The following ZNF532 variants were observed in gnomAD, a reference collection of about 807,000 sequenced individuals.
ZNF532 encodes zinc finger protein 532.
A neutral mutation model predicts 89.3 loss-of-function variants in ZNF532; 22 were observed. The ratio of observed to expected loss-of-function variants is 0.25; its 90% CI spans 0.18 to 0.35. The LOEUF is 0.35. Among genes scored for constraint, ZNF532 ranks in the 10% least tolerant of loss-of-function variants. The probability of loss-of-function intolerance (pLI) is 1.00; values close to 1 mark genes in which losing one functional copy is unlikely to be tolerated. For missense variants in ZNF532, 1,132 were observed against 1,643.4 expected, an observed-to-expected ratio of 0.69 and a Z score of 5.38; for synonymous variants, 606 against 649.6, an observed-to-expected ratio of 0.93 and a Z score of 1.02.
chr18:58,906,076 C>T (rs2059919775), intron 2 of ZNF532, among the ~76,000 whole-genome samples: 1 of 152,170 alleles, frequency 6.6e-6, no homozygotes, highest in Non-Finnish European at 1.5e-5. Flanking sequence ...ACAGTTGATG[C>T]TGACCTTGAC....
At position 58,953,522 on chromosome 18, in the gene ZNF532, T is replaced by C; in HGVS notation, c.2873T>C (p.Met958Thr). Residue 958 changes from methionine (M) to threonine (T), a missense_variant, in exon 7 of 10, where the codon ATG becomes ACG. Physicochemically the swap from Met to Thr is moderately conservative, Grantham distance 81. This residue lies in a region of ZNF532 where 415 missense variants were observed against 604.8 expected (regional missense o/e 0.69). Coordinates refer to ENST00000591808, the MANE Select transcript of ZNF532 (RefSeq NM_001375912.1). ...TCTTTTCTTTTTATAATGTAGTCTATGCATGGAACATTGAAAAGTATTGAA... is the reference window on the plus strand; with the variant it reads ...TCTTTTCTTTTTATAATGTAGTCTACGCATGGAACATTGAAAAGTATTGAA... ...KQLMMDHIKS[M>T]HGTLKSIEGP... 6.2e-7 allele frequency: 1 copy of C among 1,609,520 alleles called. No individual in the cohort carries two copies. Among genetic ancestry groups the C allele is most frequent in the Non-Finnish European group, 8.5e-7 (1 of 1,177,798 alleles).
chr18:58,902,749 C>T (rs1568279499), intron 2 of ZNF532, among the ~76,000 whole-genome samples: 3 of 152,098 alleles, frequency 2.0e-5, no homozygotes. Context: ...GCCTCGGCTT[C>T]CCAAAGTGCT....
At chr18:58,871,191 T>C (rs895704666) in intron 2 of ZNF532, among the ~76,000 whole-genome samples, 1 of 152,170 alleles carries the variant, frequency 6.6e-6, no homozygotes, top group African/African-American at 2.4e-5. Flanking sequence ...CTGCAGATGC[T>C]GCAGTAGGTG....
In ZNF532 at chr18:58,875,298, A is replaced by T. The variant is rs2057339607; in HGVS notation, c.-18+9719A>T. 3.3e-5 allele frequency among the ~76,000 whole-genome samples: 5 copies of T among 152,174 alleles called. No homozygotes were observed. The South Asian group carries it at 1.0e-3, about 32-fold the overall frequency. ...AGTGTTGGGATTATGGGCATGAGCCACTGTGCCAAGTCCTTTTTTTCCTAT... is the reference window on the plus strand; with the variant it reads ...AGTGTTGGGATTATGGGCATGAGCCTCTGTGCCAAGTCCTTTTTTTCCTAT... On this transcript the variant is annotated intron_variant, in intron 2 of 9. Coordinates refer to ENST00000591808, the MANE Select transcript of ZNF532 (RefSeq NM_001375912.1).
intron 2 of ZNF532, among the ~76,000 whole-genome samples, chr18:58,888,259 C>T (rs1172305339): frequency 1.3e-5 from 2 of 152,086 alleles, no homozygotes. Flanking sequence ...AACTGCAAAT[C>T]AGTCAAATAT....
At chr18:58,942,077 C>T (rs1162916120) in intron 5 of ZNF532, among the ~76,000 whole-genome samples, 2 of 147,560 alleles carry the variant, frequency 1.4e-5, no homozygotes, top group South Asian at 2.3e-4. Flanking sequence ...GGCTGGAGTG[C>T]AGTGGCACGA....
At chr18:58,895,250 A>G (rs1459112271) in intron 2 of ZNF532, among the ~76,000 whole-genome samples, 1 of 152,194 alleles carries the variant, frequency 6.6e-6, no homozygotes, top group African/African-American at 2.4e-5. Flanking sequence ...CCTCTGTCTC[A>G]CGTTTGGCTG....
intron 2 of ZNF532, among the ~76,000 whole-genome samples, chr18:58,910,666 G>A (rs374099730): frequency 2.0e-5 from 3 of 151,786 alleles, no homozygotes; most frequent in Non-Finnish European, 2.9e-5. Context: ...AGAGAGAGGG[G>A]GTTTCATCAT....
chr18:58,943,955 CAA>C (rs1352177516), intron 5 of ZNF532, among the ~76,000 whole-genome samples: 1 of 152,146 alleles, frequency 6.6e-6, no homozygotes, highest in African/African-American at 2.4e-5. Context: ...GTAAAACACG[CAA>C]AATTAGAATA....
chr18:58,869,976 C>T (rs1190501461), intron 2 of ZNF532, among the ~76,000 whole-genome samples: 1 of 150,886 alleles, frequency 6.6e-6, no homozygotes, highest in Non-Finnish European at 1.5e-5. Flanking sequence ...CCATGTTGGT[C>T]AGGCTGGTCT....
At chr18:58,898,174 A>G (rs1443337567) in intron 2 of ZNF532, among the ~76,000 whole-genome samples, 1 of 152,162 alleles carries the variant, frequency 6.6e-6, no homozygotes, top group African/African-American at 2.4e-5. Flanking sequence ...TTCATTTGAG[A>G]TAGTACCTGC....
In ZNF532 at chr18:58,865,510, T is replaced by C. The variant is rs1215153117; in HGVS notation, c.-87T>C. 1 of 153,094 alleles carries C rather than the reference T, an allele frequency of 6.5e-6. No individual in the cohort carries two copies. The highest frequency in any genetic ancestry group is 1.5e-5 in the Non-Finnish European group (1 of 68,144). The allele number at this position is 153,094 out of a possible 1,614,324, so 9.5% of individuals were successfully genotyped here. ...CTGCTTTTAACCCTTTCCTATTTGC[T>C]GAGAATGCAGCCGTGTGACAGTAAC... is the stretch of plus-strand genomic sequence containing the variant. On this transcript the variant is annotated 5_prime_UTR_variant, in exon 2 of 10. Coordinates refer to ENST00000591808, the MANE Select transcript of ZNF532 (RefSeq NM_001375912.1).
Position 58,981,546 on chromosome 18 carries a change from A to G in ZNF532, c.3340A>G (p.Lys1114Glu), listed in dbSNP as rs1274585789. The change falls in exon 9 of 10, where the codon AAG becomes GAG. Residue 1114 changes from lysine to glutamate, a missense_variant. Physicochemically the swap from Lys to Glu is moderately conservative, Grantham distance 56. Coordinates refer to ENST00000591808, the MANE Select transcript of ZNF532 (RefSeq NM_001375912.1). ...GCACGTCCAGCTGATGCATGGCATCAAGGACCCTGACCTGAAAGAAATGAC... is the reference window on the plus strand; with the variant it reads ...GCACGTCCAGCTGATGCATGGCATCGAGGACCCTGACCTGAAAGAAATGAC... ...EKHVQLMHGI[K>E]DPDLKEMTDA... 5 of 1,614,094 alleles carry G rather than the reference A, an allele frequency of 3.1e-6. No individual in the cohort carries two copies. The highest frequency in any genetic ancestry group is 4.2e-6 in the Non-Finnish European group (5 of 1,180,028).
chr18:58,898,057 A>G (rs1019826791), intron 2 of ZNF532, among the ~76,000 whole-genome samples: 2 of 152,208 alleles, frequency 1.3e-5, no homozygotes, highest in African/African-American at 4.8e-5. Context: ...TACATAGATC[A>G]AAAAAATAGT....
At chr18:58,916,972 C>T (rs967447114) in intron 2 of ZNF532, among the ~76,000 whole-genome samples, 1 of 152,188 alleles carries the variant, frequency 6.6e-6, no homozygotes, top group Non-Finnish European at 1.5e-5. Flanking sequence ...GATAATGACA[C>T]AGCAAATACC....
At chr18:58,913,254 T>TGGC (rs1603020787) in intron 2 of ZNF532, among the ~76,000 whole-genome samples, 1 of 152,260 alleles carries the variant, frequency 6.6e-6, no homozygotes, top group East Asian at 1.9e-4. Context: ...GAGCAAGAAT[T>TGGC]TGAATGTAGG....
At chr18:58,863,044 C>G (rs569516507), upstream of ZNF532, 1 of 152,368 alleles carries the variant, frequency 6.6e-6, no homozygotes, top group South Asian at 2.1e-4. Flanking sequence ...ATAGCGTGCT[C>G]TCTTCTTACT....
Position 58,939,372 on chromosome 18 carries a change from T to C in ZNF532, c.2529-73T>C, listed in dbSNP as rs1012741123. The C allele has an allele frequency of 1.3e-5, 18 of 1,349,542 alleles. No individual in the cohort carries two copies. In the African/African-American group the frequency reaches 2.5e-4, roughly 19 times the overall value. 83.6% of individuals were successfully genotyped at this position (1,349,542 alleles called of 1,614,324 possible). A position where few individuals can be genotyped will look rare whatever the true frequency, so the allele number is the denominator to read the frequency against. On this transcript the variant is annotated intron_variant, in intron 4 of 9. Coordinates refer to ENST00000591808, the MANE Select transcript of ZNF532 (RefSeq NM_001375912.1). Reference sequence around the variant, plus strand: ...TAAAAGGGCTATGAAAGTGTGTTCATCTCACCCAGTTTTTGCAGTTACACG... The same window carrying C: ...TAAAAGGGCTATGAAAGTGTGTTCACCTCACCCAGTTTTTGCAGTTACACG...
chr18:58,921,383 T>G (rs946347288), intron 3 of ZNF532, among the ~76,000 whole-genome samples: 18 of 152,240 alleles, frequency 1.2e-4, no homozygotes, highest in African/African-American at 4.3e-4. Context: ...CTGGCAGCTC[T>G]ACTGAGCTTA....
Sources: gnomAD v4.1 joint callset for allele counts (sites outside exome capture counted in the v4.1 genomes callset) on GRCh38, gnomAD v4.1.1 for gene constraint, gnomAD v4.1.1 regional missense constraint, MANE v1.5 for transcripts, NCBI Gene and HGNC (gene_info 2026-07-23, HGNC 2026-07-21) for gene names.